CAMK2D: variants seen among roughly 807,000 people sequenced by gnomAD.
CAMK2D encodes the protein calcium/calmodulin dependent protein kinase II delta, also known as calcium/calmodulin-dependent protein kinase type II subunit delta.
In CAMK2D, 37 loss-of-function variants were observed where a neutral mutation model predicts 84.0. The ratio of observed to expected loss-of-function variants is 0.44; its 90% CI spans 0.34 to 0.58. CAMK2D has a LOEUF of 0.58. Among genes scored for constraint, CAMK2D ranks in the 20% least tolerant of loss-of-function variants. The pLI, the probability that CAMK2D is intolerant of heterozygous loss-of-function variation, is 0.02. For missense variants in CAMK2D, 448 were observed against 652.5 expected, an observed-to-expected ratio of 0.69 and a Z score of 3.41; for synonymous variants, 202 against 212.5, an observed-to-expected ratio of 0.95 and a Z score of 0.43.
chr4:113,711,325 A>G (rs996065461), intron 2 of CAMK2D, among the ~76,000 whole-genome samples: 9 of 151,890 alleles, frequency 5.9e-5, no homozygotes, highest in Non-Finnish European at 8.8e-5. Context: ...TAACATGCAC[A>G]TAGATAATGC....
chr4:113,517,989 A>C (rs1031805854), intron 8 of CAMK2D, among the ~76,000 whole-genome samples: 8 of 152,188 alleles, frequency 5.3e-5, no homozygotes, highest in Non-Finnish European at 1.0e-4. Flanking sequence ...ATTCTTATCT[A>C]TATAGAGACT....
At chr4:113,610,308 G>C in intron 3 of CAMK2D, among the ~76,000 whole-genome samples, 1 of 152,082 alleles carries the variant, frequency 6.6e-6, no homozygotes, top group East Asian at 1.9e-4. Context: ...GGCAGGGAAA[G>C]CAACAAAGTT....
At chr4:113,620,112 T>C (rs908265664) in intron 3 of CAMK2D, among the ~76,000 whole-genome samples, 2 of 151,768 alleles carry the variant, frequency 1.3e-5, no homozygotes, top group African/African-American at 4.8e-5. Context: ...AAAGATAGGG[T>C]TGGGTAAGGA....
chr4:113,605,572 T>G (rs2098973379), intron 4 of CAMK2D, among the ~76,000 whole-genome samples: 2 of 152,214 alleles, frequency 1.3e-5, no homozygotes, highest in Admixed American at 1.3e-4. Flanking sequence ...ATGAAGGACA[T>G]ATCTCAGTTT....
chr4:113,570,234 C>T (rs1420017901), intron 4 of CAMK2D, among the ~76,000 whole-genome samples: 1 of 152,058 alleles, frequency 6.6e-6, no homozygotes, highest in Non-Finnish European at 1.5e-5. Context: ...GCAATCCCTA[C>T]CAAAATTCTA....
At chr4:113,679,057 C>T (rs1398881967) in intron 2 of CAMK2D, among the ~76,000 whole-genome samples, 2 of 152,076 alleles carry the variant, frequency 1.3e-5, no homozygotes, top group South Asian at 2.1e-4. Flanking sequence ...AGGAATAACA[C>T]ACTATGTACT....
At chr4:113,573,717 C>G (rs2098765900) in intron 4 of CAMK2D, among the ~76,000 whole-genome samples, 1 of 152,194 alleles carries the variant, frequency 6.6e-6, no homozygotes, top group Non-Finnish European at 1.5e-5. Flanking sequence ...TAAATTCTCA[C>G]TTACTATTTC....
chr4:113,551,858 T>C (rs2098631791), intron 5 of CAMK2D, among the ~76,000 whole-genome samples, 173 bp downstream of exon 5: 1 of 152,148 alleles, frequency 6.6e-6, no homozygotes, highest in African/African-American at 2.4e-5. Context: ...GTAATCTAAC[T>C]ACAGATGCTA....
chr4:113,739,000 T>C (rs947596907), intron 2 of CAMK2D, among the ~76,000 whole-genome samples: 7 of 152,204 alleles, frequency 4.6e-5, no homozygotes, highest in African/African-American at 1.7e-4. Flanking sequence ...CTTCAAAAAA[T>C]GCAACTTTCT....
chr4:113,549,399 T>C lies in CAMK2D; in HGVS notation c.342-1683A>G, dbSNP rs186309405. On this transcript the variant is annotated intron_variant, in intron 5 of 20. Coordinates refer to ENST00000511664, the MANE Select transcript of CAMK2D (RefSeq NM_001321571.2). Reference sequence around the variant, plus strand: ...AGGGAGCTTTCAAAGAATAAATAAATACAAATTTACAATCCCCTGGAGCAT... The same window carrying C: ...AGGGAGCTTTCAAAGAATAAATAAACACAAATTTACAATCCCCTGGAGCAT... 2.6e-5 allele frequency among the ~76,000 whole-genome samples: 4 copies of C among 152,280 alleles called. No homozygotes were observed. In the East Asian group the frequency reaches 7.7e-4, roughly 29 times the overall value.
intron 3 of CAMK2D, among the ~76,000 whole-genome samples, chr4:113,636,865 C>G (rs1167718053): frequency 1.3e-5 from 2 of 152,136 alleles, no homozygotes; most frequent in African/African-American, 4.8e-5. Flanking sequence ...AACATTCAGT[C>G]CATAACAATC....
At chr4:113,532,034 TA>T (rs969606709) in intron 7 of CAMK2D, among the ~76,000 whole-genome samples, 1 of 151,918 alleles carries the variant, frequency 6.6e-6, no homozygotes, top group Non-Finnish European at 1.5e-5. Flanking sequence ...ACAAATAAAC[TA>T]AAAAAAACTT....
At chr4:113,670,295 A>G (rs1199313159) in intron 2 of CAMK2D, among the ~76,000 whole-genome samples, 1 of 150,350 alleles carries the variant, frequency 6.7e-6, no homozygotes, top group African/African-American at 2.5e-5. Context: ...AAATAAATAA[A>G]TAAACAAACA....
chr4:113,716,430 A>C (rs1484140703), intron 2 of CAMK2D, among the ~76,000 whole-genome samples: 1 of 152,094 alleles, frequency 6.6e-6, no homozygotes, highest in East Asian at 1.9e-4. Flanking sequence ...CGAGTGGGTC[A>C]CTTCAGGTCA....
intron 17 of CAMK2D, among the ~76,000 whole-genome samples, chr4:113,464,087 TG>T (rs2154110407): frequency 6.6e-6 from 1 of 152,328 alleles, no homozygotes; most frequent in East Asian, 1.9e-4. Flanking sequence ...TGCACCCAAT[TG>T]TGTTTTATTC....
rs546162435 is a variant in CAMK2D at position 113,721,519 on chromosome 4, G to A, written c.160+37801C>T. On this transcript the variant is annotated intron_variant, in intron 2 of 20. Transcript: ENST00000511664. Reference sequence around the variant, plus strand: ...GTCTAAGTCACATCTCCAGACCCTCGTTTCCTAAGCTGGAAAATGAGAGTG... The same window carrying A: ...GTCTAAGTCACATCTCCAGACCCTCATTTCCTAAGCTGGAAAATGAGAGTG... 7.2e-5 allele frequency among the ~76,000 whole-genome samples: 11 copies of A among 152,242 alleles called. No individual in the cohort carries two copies. The South Asian group carries it at 8.3e-4, about 11-fold the overall frequency.
rs1276366541 is a variant in CAMK2D at position 113,460,162 on chromosome 4, A to C, written c.1291T>G (p.Phe431Val). ...ATAAATGTACCATTTTCAAAGTAGAATCGGTGAAAATCCATCCCTTCCACT... is the reference window on the plus strand; with the variant it reads ...ATAAATGTACCATTTTCAAAGTAGACTCGGTGAAAATCCATCCCTTCCACT... ...NLVEGMDFHR[F>V]YFENALSKSN... Residue 431 changes from phenylalanine (F) to valine (V), a missense_variant, in exon 18 of 21, where the codon TTC becomes GTC. By Grantham distance (50) the Phe-to-Val change is conservative. Around this residue, in one of 7 missense-constraint regions of CAMK2D, gnomAD observed 219 missense variants for 272.1 expected, o/e 0.80. Transcript: ENST00000511664. The C allele has an allele frequency of 6.3e-7, 1 of 1,578,024 alleles. No homozygotes were observed. The highest frequency in any genetic ancestry group is 1.3e-5 in the African/African-American group (1 of 74,226).
intron 4 of CAMK2D, among the ~76,000 whole-genome samples, chr4:113,567,672 A>G (rs1374597677): frequency 6.6e-6 from 1 of 152,264 alleles, no homozygotes; most frequent in Non-Finnish European, 1.5e-5. Flanking sequence ...ACCTTATGTT[A>G]GAACAACTGT....
chr4:113,517,768 GA>G (rs2098303733), intron 8 of CAMK2D, 111 bp from the exon 9 acceptor site: 1 of 589,584 alleles, frequency 1.7e-6, no homozygotes, highest in South Asian at 2.3e-5. Context: ...GAGAAAACTG[GA>G]TTGTAGGAAA....
Sources: allele counts gnomAD v4.1 joint callset (sites outside exome capture counted in the v4.1 genomes callset), GRCh38; gene constraint gnomAD v4.1.1; regional missense constraint gnomAD v4.1.1; transcripts MANE v1.5; gene names NCBI Gene and HGNC (gene_info 2026-07-23, HGNC 2026-07-21).